SEMA6D: variants seen among roughly 807,000 people sequenced by gnomAD.
The protein encoded by SEMA6D is semaphorin-6D.
A neutral mutation model predicts 106.6 loss-of-function variants in SEMA6D; 35 were observed. The ratio of observed to expected loss-of-function variants is 0.33; its 90% CI spans 0.25 to 0.44. The LOEUF is 0.44. SEMA6D is among the 20% of genes least tolerant of loss of function. The pLI is 1.00. For missense variants in SEMA6D, 1,185 were observed against 1,345.9 expected (o/e 0.88, Z 1.87); for synonymous variants, 499 against 487.7 (o/e 1.02, Z -0.31).
At chr15:47,434,140 G>A (rs2041626884) in intron 2 of SEMA6D, among the ~76,000 whole-genome samples, 1 of 152,134 alleles carries the variant, frequency 6.6e-6, no homozygotes, top group Admixed American at 6.6e-5. Flanking sequence ...GAGAGTCAGT[G>A]TTATTAGAAA....
intron 3 of SEMA6D, among the ~76,000 whole-genome samples, chr15:47,541,437 T>C (rs2045351451): frequency 6.6e-6 from 1 of 152,188 alleles, no homozygotes; most frequent in East Asian, 1.9e-4. Flanking sequence ...TCTCTGTTAT[T>C]GTGAGCCTCC....
intron 3 of SEMA6D, among the ~76,000 whole-genome samples, chr15:47,585,165 A>G (rs565414506): frequency 6.6e-6 from 1 of 152,356 alleles, no homozygotes; most frequent in East Asian, 1.9e-4. Context: ...AATACAGCAG[A>G]TGTGTCACCT....
intron 1 of SEMA6D, among the ~76,000 whole-genome samples, chr15:47,198,258 A>T (rs1595728235): frequency 6.6e-6 from 1 of 152,264 alleles, no homozygotes; most frequent in East Asian, 1.9e-4. Flanking sequence ...CAAGAAATCC[A>T]TTGTACAAAT....
At chr15:47,186,430 G>T (rs1233323210) in intron 1 of SEMA6D, among the ~76,000 whole-genome samples, 1 of 151,960 alleles carries the variant, frequency 6.6e-6, no homozygotes, top group East Asian at 1.9e-4. Context: ...CTCACGGTTC[G>T]ACAAATATGT....
chr15:47,261,528 A>G (rs2034074587), intron 1 of SEMA6D, among the ~76,000 whole-genome samples: 1 of 152,122 alleles, frequency 6.6e-6, no homozygotes, highest in African/African-American at 2.4e-5. Context: ...CTTCGTTGAT[A>G]TATACATCAC....
At chr15:47,387,513 C>T (rs2039882177) in intron 1 of SEMA6D, among the ~76,000 whole-genome samples, 1 of 152,150 alleles carries the variant, frequency 6.6e-6, no homozygotes, top group South Asian at 2.1e-4. Context: ...AAATTGTTGT[C>T]AGGTTTAAAT....
chr15:47,190,218 C>T (rs1007689238), intron 1 of SEMA6D, among the ~76,000 whole-genome samples: 3 of 152,150 alleles, frequency 2.0e-5, no homozygotes, highest in South Asian at 2.1e-4. Flanking sequence ...CAGTTAATAT[C>T]CCTCACTAGC....
At chr15:47,408,838 G>C (rs2146158706) in intron 1 of SEMA6D, among the ~76,000 whole-genome samples, 1 of 152,362 alleles carries the variant, frequency 6.6e-6, no homozygotes, top group South Asian at 2.1e-4. Context: ...ATGAGCCTCT[G>C]TCTTGGGGAG....
chr15:47,759,749 C>T lies in SEMA6D; in HGVS notation c.-50C>T, dbSNP rs764067075. 1 of 1,314,044 alleles carries T rather than the reference C, an allele frequency of 7.6e-7. No individual in the cohort carries two copies. The highest frequency in any genetic ancestry group is 1.4e-5 in the African/African-American group (1 of 69,018). 81.4% of individuals were successfully genotyped at this position (1,314,044 alleles called of 1,614,324 possible). The stretch of plus-strand genomic sequence containing the variant: ...CAAACTGCTTCTGTTTTCCAGGTAG[C>T]TCAGTGGCATTTCTGAGCAGGGGCC... On this transcript the variant is annotated 5_prime_UTR_variant, in exon 2 of 19. Coordinates refer to ENST00000536845, the MANE Select transcript of SEMA6D (RefSeq NM_001358351.3).
intron 2 of SEMA6D, among the ~76,000 whole-genome samples, chr15:47,461,401 C>T (rs182823807): frequency 3.9e-5 from 6 of 152,046 alleles, no homozygotes; most frequent in Non-Finnish European, 7.4e-5. Context: ...TTCTCCCCCA[C>T]TATTATATCT....
intron 1 of SEMA6D, among the ~76,000 whole-genome samples, chr15:47,325,102 T>C (rs1208269374): frequency 6.6e-6 from 1 of 152,172 alleles, no homozygotes; most frequent in Non-Finnish European, 1.5e-5. Context: ...AATATTTAAT[T>C]ATCCATTGAC....
chr15:47,348,098 C>T (rs943446458), intron 1 of SEMA6D, among the ~76,000 whole-genome samples: 2 of 152,186 alleles, frequency 1.3e-5, no homozygotes, highest in African/African-American at 4.8e-5. Flanking sequence ...AAGTGATACA[C>T]CTAACACATA....
chr15:47,636,412 C>A (rs1021090731), intron 4 of SEMA6D, among the ~76,000 whole-genome samples: 5 of 152,108 alleles, frequency 3.3e-5, no homozygotes, highest in Non-Finnish European at 5.9e-5. Context: ...TAAAACCAGA[C>A]ATGAGCTGAA....
At chr15:47,428,265 G>A (rs2041411029) in intron 2 of SEMA6D, among the ~76,000 whole-genome samples, 1 of 151,978 alleles carries the variant, frequency 6.6e-6, no homozygotes, top group South Asian at 2.1e-4. Flanking sequence ...AAAGAGAAAA[G>A]AATAATGAGT....
intron 3 of SEMA6D, among the ~76,000 whole-genome samples, chr15:47,522,312 A>G (rs1020914796): frequency 6.6e-6 from 1 of 152,226 alleles, no homozygotes; most frequent in African/African-American, 2.4e-5. Context: ...ATTTTTATGT[A>G]TGAACTACAG....
chr15:47,768,132 C>T (rs1262469076), intron 17 of SEMA6D, among the ~76,000 whole-genome samples: 1 of 152,108 alleles, frequency 6.6e-6, no homozygotes, highest in Non-Finnish European at 1.5e-5. Flanking sequence ...ATAGACTTAA[C>T]CAGATATTTT....
rs747844546 is a variant in SEMA6D, at chr15:47,324,420, G to A, written c.-238-87973G>A. On this transcript the variant is annotated intron_variant, in intron 1 of 19. Coordinates refer to the SEMA6D transcript ENST00000558014. Reference sequence around the variant, plus strand: ...AGATGCCATGTCAGAAAAGCATATCGGTTTCAAATATAAACACTAAATAAA... The same window carrying A: ...AGATGCCATGTCAGAAAAGCATATCAGTTTCAAATATAAACACTAAATAAA... Among the ~76,000 whole-genome samples the A allele has an allele frequency of 5.3e-5, 8 of 151,864 alleles. No individual in the cohort carries two copies. The South Asian group carries it at 1.0e-3, about 20-fold the overall frequency.
intron 1 of SEMA6D, among the ~76,000 whole-genome samples, chr15:47,310,158 T>G (rs1496912): frequency 0.99 from 150,602 of 152,320 alleles, 74,464 homozygotes; most frequent in Middle Eastern, 1. Context: ...GATAGATGAA[T>G]TGCATCTTTT....
chr15:47,574,243 T>C (rs1175828886), intron 3 of SEMA6D, among the ~76,000 whole-genome samples: 1 of 152,222 alleles, frequency 6.6e-6, no homozygotes, highest in African/African-American at 2.4e-5. Flanking sequence ...TAATTATCTT[T>C]GTTATTAACA....
Sources: allele counts gnomAD v4.1 joint callset (sites outside exome capture counted in the v4.1 genomes callset), GRCh38; gene constraint gnomAD v4.1.1; transcripts MANE v1.5; gene names NCBI Gene and HGNC (gene_info 2026-07-23, HGNC 2026-07-21).